Variants in AGBL1 observed in about 807,000 individuals in gnomAD.
The protein encoded by AGBL1 is cytosolic carboxypeptidase 4.
A neutral mutation model predicts 118.9 loss-of-function variants in AGBL1; 130 were observed. The ratio of observed to expected loss-of-function variants is 1.09; its 90% confidence interval spans 0.95 to 1.26. AGBL1 has a LOEUF of 1.26. Among genes scored for constraint, AGBL1 ranks in the 50% most tolerant of loss-of-function variants. AGBL1 has a pLI of 0.00. For missense variants in AGBL1, 1,584 were observed against 1,298.1 expected, an observed-to-expected ratio of 1.22 and a Z score of -3.38; for synonymous variants, 555 against 478.9, an observed-to-expected ratio of 1.16 and a Z score of -2.08.
chr15:86,671,948 T>C (rs1386122942), intron 21 of AGBL1, among the ~76,000 whole-genome samples: 3 of 152,108 alleles, frequency 2.0e-5, no homozygotes, highest in Non-Finnish European at 2.9e-5. Context: ...TCCACACCAG[T>C]GATGGGGTGT....
chr15:86,322,277 T>A (rs1223726644), intron 17 of AGBL1, among the ~76,000 whole-genome samples: 1 of 152,004 alleles, frequency 6.6e-6, no homozygotes, highest in Non-Finnish European at 1.5e-5. Context: ...CAACAAGAGA[T>A]TTGATATTTT....
chr15:86,258,465 A>G (rs995783527), intron 9 of AGBL1, among the ~76,000 whole-genome samples: 1 of 152,140 alleles, frequency 6.6e-6, no homozygotes, highest in Non-Finnish European at 1.5e-5. Context: ...AGACTCTGTG[A>G]ATTGTTTTCC....
In AGBL1 at chr15:86,266,462, G is replaced by A; in HGVS notation, c.1751+5G>A. 1 of 1,555,724 alleles carries A rather than the reference G, an allele frequency of 6.4e-7. No homozygotes were observed. ...CTTCAGTTTAGATGAGCCTTGGTAGGTAGTCTCGTGCATCTGAGGAAGGTG... is the reference window on the plus strand; with the variant it reads ...CTTCAGTTTAGATGAGCCTTGGTAGATAGTCTCGTGCATCTGAGGAAGGTG... On this transcript the variant is annotated splice_donor_5th_base_variant and intron_variant, in intron 12 of 22. Coordinates refer to ENST00000614907, the MANE Select transcript of AGBL1 (RefSeq NM_001386094.1).
intron 1 of AGBL1, chr15:86,139,731 A>G (rs2076936248): frequency 6.6e-6 from 1 of 152,514 alleles, no homozygotes; most frequent in Non-Finnish European, 1.5e-5. Flanking sequence ...TTAATTTACA[A>G]ATCAAAATTA....
chr15:86,497,365 A>C (rs1324944776), intron 18 of AGBL1, among the ~76,000 whole-genome samples: 3 of 152,014 alleles, frequency 2.0e-5, no homozygotes, highest in Non-Finnish European at 2.9e-5. Flanking sequence ...TTCTAATTTA[A>C]AAATTGTCTT....
intron 21 of AGBL1, among the ~76,000 whole-genome samples, chr15:86,626,488 C>A (rs1033185244): frequency 6.6e-6 from 1 of 152,080 alleles, no homozygotes; most frequent in African/African-American, 2.4e-5. Flanking sequence ...ACAGCACACA[C>A]TGGGGCTTTT....
downstream of AGBL1, among the ~76,000 whole-genome samples, chr15:86,917,117 A>C (rs1716225190): frequency 6.6e-6 from 1 of 152,118 alleles, no homozygotes; most frequent in African/African-American, 2.4e-5. The surrounding 1 kb of genome is among the most constrained non-coding windows in gnomAD (Gnocchi z 4.8). Context: ...CTGGTGTTTA[A>C]AGTGCTGTTG....
chr15:86,693,224 C>G (rs2086201675), intron 22 of AGBL1, among the ~76,000 whole-genome samples: 1 of 152,126 alleles, frequency 6.6e-6, no homozygotes, highest in Non-Finnish European at 1.5e-5. Flanking sequence ...ATATTCCCAT[C>G]AGAAGTGTAA....
intron 22 of AGBL1, among the ~76,000 whole-genome samples, chr15:86,804,239 C>T (rs928941154): frequency 3.3e-5 from 5 of 152,108 alleles, no homozygotes; most frequent in Non-Finnish European, 5.9e-5. Context: ...AAGGAGACTT[C>T]CATCTGTTAA....
chr15:86,786,644 C>A (rs1237253340), intron 22 of AGBL1, among the ~76,000 whole-genome samples: 1 of 152,010 alleles, frequency 6.6e-6, no homozygotes, highest in Non-Finnish European at 1.5e-5. Context: ...TTTTAAGGAC[C>A]ATCTCTCTAT....
chr15:86,924,685 C>A (rs907496786), intron 23 of AGBL1, among the ~76,000 whole-genome samples: 1 of 152,176 alleles, frequency 6.6e-6, no homozygotes, highest in African/African-American at 2.4e-5. Flanking sequence ...CCCTTCATAA[C>A]TTGGACATCA....
chr15:86,300,931 G>A (rs2079735107), intron 17 of AGBL1, among the ~76,000 whole-genome samples: 1 of 152,228 alleles, frequency 6.6e-6, no homozygotes, highest in African/African-American at 2.4e-5. Context: ...CCTGCCTTGG[G>A]TTGGGAGTTG....
At chr15:86,577,885 C>T (rs1357902213) in intron 21 of AGBL1, among the ~76,000 whole-genome samples, 1 of 152,180 alleles carries the variant, frequency 6.6e-6, no homozygotes, top group East Asian at 1.9e-4. Flanking sequence ...TATGGAAATG[C>T]CTGGATGCCC....
intron 1 of AGBL1, among the ~76,000 whole-genome samples, chr15:86,085,271 G>C (rs1458768120): frequency 6.6e-6 from 1 of 152,198 alleles, no homozygotes; most frequent in Non-Finnish European, 1.5e-5. Flanking sequence ...ACCAGGATGA[G>C]GAGGGTGCCT....
chr15:86,323,675 A>T (rs1402351205), intron 17 of AGBL1, among the ~76,000 whole-genome samples: 1 of 152,190 alleles, frequency 6.6e-6, no homozygotes, highest in Non-Finnish European at 1.5e-5. Context: ...GATGCTCCTC[A>T]TATTCAGGTA....
chr15:86,136,597 C>T (rs1342505535), intron 1 of AGBL1, among the ~76,000 whole-genome samples: 2 of 152,194 alleles, frequency 1.3e-5, no homozygotes, highest in African/African-American at 2.4e-5. Context: ...AGAAATGATG[C>T]TTAAGCCTGC....
At chr15:86,581,480 T>A (rs950959943) in intron 21 of AGBL1, among the ~76,000 whole-genome samples, 2 of 152,222 alleles carry the variant, frequency 1.3e-5, no homozygotes, top group Admixed American at 6.5e-5. Flanking sequence ...TTAGTGCTTA[T>A]GAAATGATAT....
At chr15:86,764,208 C>A (rs139307740) in intron 22 of AGBL1, among the ~76,000 whole-genome samples, 174 of 151,936 alleles carry the variant, frequency 1.1e-3, no homozygotes, top group Admixed American at 1.7e-3. Flanking sequence ...CAGAAACAAA[C>A]CAGGGATTGA....
At chr15:86,887,468 T>C (rs74940098) in intron 22 of AGBL1, among the ~76,000 whole-genome samples, 1 of 152,060 alleles carries the variant, frequency 6.6e-6, no homozygotes. Context: ...ACCTCTAGTA[T>C]TGTTTAAGCA....
Sources: gnomAD v4.1 joint callset for allele counts (sites outside exome capture counted in the v4.1 genomes callset) on GRCh38, gnomAD v4.1.1 for gene constraint, Gnocchi (gnomAD v3.1) non-coding constraint, MANE v1.5 for transcripts, NCBI Gene and HGNC (gene_info 2026-07-23, HGNC 2026-07-21) for gene names.